Variants in ATP2C1 observed in about 807,000 individuals in gnomAD.
The protein encoded by ATP2C1 is ATPase secretory pathway Ca2+ transporting 1, also known as calcium-transporting ATPase type 2C member 1.
In ATP2C1, 31 loss-of-function variants were observed where a neutral mutation model predicts 120.5. The ratio of observed to expected loss-of-function variants is 0.26; its 90% CI spans 0.19 to 0.35. The LOEUF (loss-of-function observed/expected upper bound fraction) is 0.35. Ranked by LOEUF, ATP2C1 falls within the 10% of genes least tolerant of loss-of-function variation. The pLI is 1.00. For synonymous variants in ATP2C1, 351 were observed against 358.7 expected (o/e 0.98, Z 0.24); for missense variants, 731 against 1,107.5 (o/e 0.66, Z 4.83).
intron 1 of ATP2C1, among the ~76,000 whole-genome samples, chr3:130,865,716 C>T (rs2068153237): frequency 6.6e-6 from 1 of 152,138 alleles, no homozygotes; most frequent in Non-Finnish European, 1.5e-5. Context: ...CTGTTGCTGC[C>T]ACCATGTAAG....
intron 1 of ATP2C1, among the ~76,000 whole-genome samples, chr3:130,879,665 T>C (rs2068721350): frequency 1.3e-5 from 2 of 152,256 alleles, no homozygotes; most frequent in African/African-American, 2.4e-5. Context: ...ACCGTTGTTT[T>C]CTTCCAATTT....
intron 8 of ATP2C1, among the ~76,000 whole-genome samples, chr3:130,944,628 G>C (rs1042248931): frequency 6.6e-6 from 1 of 152,150 alleles, no homozygotes; most frequent in Non-Finnish European, 1.5e-5. Flanking sequence ...GAGCTATATA[G>C]CATGTGACTT....
rs747142343 is a variant in ATP2C1, at chr3:130,956,107, C to T, written c.760C>T (p.Pro254Ser). ...CACTCTTCTTCAATTTATCAAGGCA[C>T]CAAAAACCCCTCTGCAGAAGAGCAT... ...VFKMMQAEEA[P>S]KTPLQKSMDL... is the part of the protein sequence containing the mutation. Residue 254 changes from proline to serine, a missense_variant, in exon 11 of 28, where the codon CCA becomes TCA. By Grantham distance (74) the Pro-to-Ser change is moderately conservative. Coordinates refer to ENST00000510168, the MANE Select transcript of ATP2C1 (RefSeq NM_001378687.1). 6.2e-7 allele frequency: 1 copy of T among 1,607,708 alleles called. No individual in the cohort carries two copies. Among genetic ancestry groups the T allele is most frequent in the Admixed American group, 1.7e-5 (1 of 59,950 alleles).
chr3:130,993,074 A>G, intron 21 of ATP2C1, 73 bp downstream of exon 21: 2 of 1,330,470 alleles, frequency 1.5e-6, no homozygotes, highest in Non-Finnish European at 2.2e-6. Context: ...TTATGTTTGC[A>G]TTACAGGGAG....
intron 1 of ATP2C1, among the ~76,000 whole-genome samples, chr3:130,888,001 T>C (rs1268133916): frequency 6.6e-6 from 1 of 152,148 alleles, no homozygotes; most frequent in Non-Finnish European, 1.5e-5. Context: ...ACTACCTGGG[T>C]ATTGCGGCTG....
At position 130,894,742 on chromosome 3, in the gene ATP2C1, A is replaced by G. The variant is rs762018761; in HGVS notation, c.-28A>G. On this transcript the variant is annotated 5_prime_UTR_variant, in exon 2 of 28. Transcript: ENST00000510168. The surrounding 1 kb of genome is among the most constrained non-coding windows in gnomAD (Gnocchi z 4.5). ...GGCTGACACTAAAGACTTTGTAGCC[A>G]TCAACCCGAGTGCAGTTTCGATGGA... 1.9e-5 allele frequency: 30 copies of G among 1,614,180 alleles called. No homozygotes were observed. Among genetic ancestry groups the G allele is most frequent in the Non-Finnish European group, 2.3e-5 (27 of 1,180,028 alleles).
chr3:130,850,868 T>G lies in ATP2C1; in HGVS notation c.48T>G (p.Tyr16Ter). The G allele has an allele frequency of 6.9e-7, 1 of 1,448,708 alleles. No individual in the cohort carries two copies. The highest frequency in any genetic ancestry group is 9.1e-7 in the Non-Finnish European group (1 of 1,103,516). The allele number at this position is 1,448,708 out of a possible 1,614,324, so 89.7% of individuals were successfully genotyped here. A position where few individuals can be genotyped will look rare whatever the true frequency, so the allele number is the denominator to read the frequency against. Residue 16 changes from tyrosine (Y) to a stop codon, truncating the protein, a stop_gained, in exon 1 of 27, where the codon TAT (tyrosine) becomes TAG (stop). Transcript: ENST00000504381. LOFTEE classifies it high-confidence loss of function. ...CTAGATTCTCTTATTTCAAAAAATA[T>G]CCTCTCCATGCAATTAGGAGATATT... is the stretch of plus-strand genomic sequence containing the variant.
exon 27 of ATP2C1, chr3:131,016,299 A>C: frequency 6.2e-7 from 1 of 1,614,206 alleles, no homozygotes; most frequent in Non-Finnish European, 8.5e-7. Flanking sequence ...GGAACTCTGC[A>C]TACAACATCT....
At chr3:130,955,631 G>A (rs953183552) in intron 10 of ATP2C1, 1 of 175,148 alleles carries the variant, frequency 5.7e-6, no homozygotes, top group Admixed American at 5.6e-5. Context: ...ACTCCAGTAT[G>A]CGATGCAAAG....
chr3:131,011,275 AG>A (rs1453959666), intron 26 of ATP2C1, among the ~76,000 whole-genome samples: 3 of 152,246 alleles, frequency 2.0e-5, no homozygotes, highest in African/African-American at 7.2e-5. Context: ...TTTAAAAAAT[AG>A]ACTTCCAGTA....
At chr3:130,872,870 A>G (rs1406876125) in intron 1 of ATP2C1, among the ~76,000 whole-genome samples, 2 of 152,160 alleles carry the variant, frequency 1.3e-5, no homozygotes, top group Non-Finnish European at 2.9e-5. Flanking sequence ...GGTGTGAGCC[A>G]CTGCGCCCAG....
chr3:131,009,452 T>C (rs1401409593), intron 26 of ATP2C1, among the ~76,000 whole-genome samples: 2 of 152,240 alleles, frequency 1.3e-5, no homozygotes, highest in Non-Finnish European at 2.9e-5. Context: ...ATGTGCATTG[T>C]AGCATGTTCA....
intron 10 of ATP2C1, among the ~76,000 whole-genome samples, chr3:130,955,563 A>C (rs1272040810): frequency 6.6e-6 from 1 of 152,224 alleles, no homozygotes; most frequent in Non-Finnish European, 1.5e-5. Flanking sequence ...AAGAAGCTTC[A>C]TTCTGCAAAT....
rs1438843287 is a variant in ATP2C1 at position 130,932,024 on chromosome 3, T to C, written c.120T>C (p.Ala40=). The change falls in exon 4 of 28, where the codon GCT becomes GCC. Residue 40 remains alanine, a splice_region_variant and synonymous_variant. Coordinates refer to ENST00000510168, the MANE Select transcript of ATP2C1 (RefSeq NM_001378687.1). ...CTTTCATGTATAAACTCTAATAGGCTGATCTTCAGAATGGTCTAAACAAAT... is the reference window on the plus strand; with the variant it reads ...CTTTCATGTATAAACTCTAATAGGCCGATCTTCAGAATGGTCTAAACAAAT... ...PVSEVASILQ[A]DLQNGLNKCE... 2 of 1,596,238 alleles carry C rather than the reference T, an allele frequency of 1.3e-6. No homozygotes were observed. The highest frequency in any genetic ancestry group is 1.7e-6 in the Non-Finnish European group (2 of 1,163,804).
intron 2 of ATP2C1, among the ~76,000 whole-genome samples, chr3:130,902,297 G>GTTTT (rs398052267): frequency 1.8e-3 from 24 of 13,254 alleles, no homozygotes; most frequent in African/African-American, 4.9e-3. Flanking sequence ...TTTTTTTTTT[G>GTTTT]TTTTTTTTTT....
chr3:130,952,164 T>C (rs1468374841), intron 8 of ATP2C1, among the ~76,000 whole-genome samples: 1 of 152,184 alleles, frequency 6.6e-6, no homozygotes, highest in Non-Finnish European at 1.5e-5. Context: ...TTATGTTTGT[T>C]GTTTTCCCTC....
At position 130,875,869 on chromosome 3, in the gene ATP2C1, T is replaced by C. The variant is rs76990457; in HGVS notation, c.108+24941T>C. Reference sequence around the variant, plus strand: ...TTTTGATTTGCATTTCTCTGATGATTAGTGATGTCGAGTGTTTTTTTTTTT... The same window carrying C: ...TTTTGATTTGCATTTCTCTGATGATCAGTGATGTCGAGTGTTTTTTTTTTT... On this transcript the variant is annotated intron_variant, in intron 1 of 26. Transcript: ENST00000504381. Among the ~76,000 whole-genome samples, 48 of 151,676 alleles carry C rather than the reference T, an allele frequency of 3.2e-4. No homozygotes were observed. The East Asian group carries it at 8.0e-3, about 25-fold the overall frequency.
At chr3:130,953,117 A>ATATG (rs1049690424) in intron 8 of ATP2C1, among the ~76,000 whole-genome samples, 1 of 136,154 alleles carries the variant, frequency 7.3e-6, no homozygotes, top group Non-Finnish European at 1.6e-5. Context: ...ATGTATGTAT[A>ATATG]TATGTATGTA....
At chr3:130,969,223 C>T (rs1559989387) in intron 16 of ATP2C1, 69 bp from the exon 17 acceptor site, 1 of 1,107,200 alleles carries the variant, frequency 9.0e-7, no homozygotes, top group East Asian at 2.4e-5. Flanking sequence ...AGTGGTGACC[C>T]TTGTTCTTTG....
Sources: allele counts gnomAD v4.1 joint callset (sites outside exome capture counted in the v4.1 genomes callset), GRCh38; gene constraint gnomAD v4.1.1; non-coding constraint Gnocchi (gnomAD v3.1); transcripts MANE v1.5; gene names NCBI Gene and HGNC (gene_info 2026-07-23, HGNC 2026-07-21).